CLCA1: variants seen among roughly 807,000 people sequenced by gnomAD.
The protein encoded by CLCA1 is chloride channel accessory 1.
In CLCA1, 59 loss-of-function variants were observed where a neutral mutation model predicts 85.6. That is an observed-to-expected ratio of 0.69 (90% CI 0.56 to 0.86). The LOEUF is 0.86. CLCA1 is among the 40% of genes least tolerant of loss of function. CLCA1 has a pLI of 0.00. For missense variants in CLCA1, 1,022 were observed against 1,101.4 expected (o/e 0.93, Z 1.02); for synonymous variants, 396 against 398.3 (o/e 0.99, Z 0.07).
chr1:86,474,228 A>G (rs1009658756), intron 3 of CLCA1, among the ~76,000 whole-genome samples: 24 of 152,220 alleles, frequency 1.6e-4, no homozygotes, highest in African/African-American at 5.5e-4. Flanking sequence ...TTCATACAAT[A>G]GCCACCAGAT....
At chr1:86,477,292 C>CT (rs1647698966) in intron 4 of CLCA1, among the ~76,000 whole-genome samples, 1 of 152,200 alleles carries the variant, frequency 6.6e-6, no homozygotes, top group Admixed American at 6.5e-5. Flanking sequence ...TGTGTGGACT[C>CT]TGTCAGTATG....
At chr1:86,477,147 G>A (rs1478042144) in intron 4 of CLCA1, among the ~76,000 whole-genome samples, 1 of 152,078 alleles carries the variant, frequency 6.6e-6, no homozygotes, top group Non-Finnish European at 1.5e-5. Flanking sequence ...GTACAGGCAG[G>A]GTGTCCTTAT....
intron 5 of CLCA1, among the ~76,000 whole-genome samples, chr1:86,483,400 T>C (rs1407007672): frequency 3.3e-5 from 5 of 152,152 alleles, no homozygotes; most frequent in African/African-American, 1.2e-4. Flanking sequence ...AAAAATGTTG[T>C]ACAACTAATG....
At chr1:86,492,675 A>T (rs1345177833) in intron 9 of CLCA1, among the ~76,000 whole-genome samples, 3 of 152,098 alleles carry the variant, frequency 2.0e-5, no homozygotes. Context: ...ATCCTTCCTT[A>T]CCTCACTCCC....
intron 7 of CLCA1, 94 bp downstream of exon 7, chr1:86,486,847 C>A: frequency 1.9e-6 from 2 of 1,073,402 alleles, no homozygotes; most frequent in Non-Finnish European, 2.8e-6. Flanking sequence ...TGCCTAGGGT[C>A]CAACTGGATG....
At position 86,500,041 on chromosome 1, in the gene CLCA1, C is replaced by T. The variant is rs756277531; in HGVS notation, c.2741C>T (p.Ala914Val). The part of the protein sequence containing the change: ...KWIGELQLSI[A>V] ...ATAGGAGAACTGCAGCTGTCAATAG[C>T]CTAGGGCTGAATTTTTGTCAGATAA... Residue 914 changes from alanine (A) to valine (V), a missense_variant, in exon 14 of 14, where the codon GCC (alanine) becomes GTC (valine). Coordinates refer to ENST00000394711, the MANE Select transcript of CLCA1 (RefSeq NM_001285.4). The T allele has an allele frequency of 2.5e-6, 4 of 1,572,814 alleles. No individual in the cohort carries two copies. The highest frequency in any genetic ancestry group is 3.5e-6 in the Non-Finnish European group (4 of 1,156,686).
chr1:86,471,771 G>A (rs552002517), intron 1 of CLCA1, among the ~76,000 whole-genome samples: 1 of 152,198 alleles, frequency 6.6e-6, no homozygotes, highest in East Asian at 1.9e-4. Context: ...AAAAATAGAG[G>A]CAACCATTAT....
At chr1:86,496,950 G>A (rs538162959) in intron 12 of CLCA1, among the ~76,000 whole-genome samples, 4 of 152,198 alleles carry the variant, frequency 2.6e-5, no homozygotes, top group South Asian at 2.1e-4. Context: ...GGATGGTCTC[G>A]ATCTCTTGAC....
chr1:86,490,459 C>T (rs1365971532), intron 8 of CLCA1, among the ~76,000 whole-genome samples: 1 of 152,162 alleles, frequency 6.6e-6, no homozygotes, highest in Non-Finnish European at 1.5e-5. Flanking sequence ...TTATAATATA[C>T]TATTCTGTAA....
chr1:86,479,007 T>C (rs1647750274), intron 4 of CLCA1, among the ~76,000 whole-genome samples: 1 of 152,232 alleles, frequency 6.6e-6, no homozygotes, highest in Non-Finnish European at 1.5e-5. Flanking sequence ...TAGCCACTAT[T>C]ATCACAATTA....
intron 3 of CLCA1, among the ~76,000 whole-genome samples, chr1:86,474,724 GA>G (rs1196242100): frequency 6.6e-6 from 1 of 151,918 alleles, no homozygotes; most frequent in Non-Finnish European, 1.5e-5. Context: ...TGTAACTAAA[GA>G]AAAAACTCCA....
chr1:86,486,479 T>G (rs535298890), intron 6 of CLCA1, 47 bp from the exon 7 acceptor site: 13 of 1,559,026 alleles, frequency 8.3e-6, no homozygotes, highest in African/African-American at 6.8e-5. Context: ...CTGTTATTAG[T>G]CTTTCCATCT....
chr1:86,474,470 C>T (rs1348721901), intron 3 of CLCA1, among the ~76,000 whole-genome samples: 1 of 150,774 alleles, frequency 6.6e-6, no homozygotes, highest in Non-Finnish European at 1.5e-5. Context: ...AGGAGAATGG[C>T]GTGAACCCGG....
intron 5 of CLCA1, among the ~76,000 whole-genome samples, chr1:86,484,680 T>C (rs978930860): frequency 7.9e-5 from 12 of 152,198 alleles, no homozygotes; most frequent in East Asian, 3.9e-4. Flanking sequence ...GGATATTTCA[T>C]TGGAGATGGA....
At chr1:86,472,489 T>C (rs185123997) in intron 1 of CLCA1, among the ~76,000 whole-genome samples, 73 of 152,304 alleles carry the variant, frequency 4.8e-4, no homozygotes, top group Non-Finnish European at 7.9e-4. Context: ...CAGCCTCTTT[T>C]TTCCTCTGTC....
chr1:86,491,355 C>G lies in CLCA1; in HGVS notation c.1448C>G (p.Ser483Cys), dbSNP rs759546865. ...GALSSGNGAV[S>C]QRSIQLESKG... ...CTTTCATCAGGAAATGGAGCTGTCT[C>G]TCAGCGCTCCATCCAGGTTGGAGTT... is the stretch of plus-strand genomic sequence containing the variant. The change falls in exon 9 of 14, where the codon TCT becomes TGT. Residue 483 changes from serine to cysteine, a missense_variant. Physicochemically the swap from Ser to Cys is moderately radical, Grantham distance 112. Transcript: ENST00000394711. 26 of 1,610,798 alleles carry G rather than the reference C, an allele frequency of 1.6e-5. No homozygotes were observed. Among genetic ancestry groups the G allele is most frequent in the Non-Finnish European group, 1.3e-5 (15 of 1,177,322 alleles).
intron 5 of CLCA1, among the ~76,000 whole-genome samples, chr1:86,483,781 G>C (rs536761250): frequency 1.2e-4 from 19 of 152,300 alleles, no homozygotes; most frequent in Admixed American, 1.0e-3. Context: ...AAATTTTGAG[G>C]AAGCAAAATT....
chr1:86,483,138 G>A (rs767016175), intron 5 of CLCA1, among the ~76,000 whole-genome samples: 1 of 152,136 alleles, frequency 6.6e-6, no homozygotes, highest in Non-Finnish European at 1.5e-5. Flanking sequence ...GATGCACCAT[G>A]GCTCACCAGG....
At chr1:86,495,251 G>A (rs1421376724) in intron 11 of CLCA1, among the ~76,000 whole-genome samples, 1 of 152,124 alleles carries the variant, frequency 6.6e-6, no homozygotes, top group South Asian at 2.1e-4. Context: ...GCTACATTGG[G>A]TGTAACACAG....
Sources: gnomAD v4.1 joint callset for allele counts (sites outside exome capture counted in the v4.1 genomes callset) on GRCh38, gnomAD v4.1.1 for gene constraint, MANE v1.5 for transcripts, NCBI Gene and HGNC (gene_info 2026-07-23, HGNC 2026-07-21) for gene names.